The following DCC variants were observed in gnomAD, a reference collection of about 807,000 sequenced individuals.
The protein encoded by DCC is netrin receptor DCC.
DCC carries 58 observed loss-of-function variants against 172.5 expected under a neutral mutation model. That is an observed-to-expected ratio of 0.34 (90% CI 0.27 to 0.42). The LOEUF is 0.42. Among genes scored for constraint, DCC ranks in the 10% least tolerant of loss-of-function variants. The pLI, the probability that DCC is intolerant of heterozygous loss-of-function variation, is 1.00. For synonymous variants in DCC, 709 were observed against 644.5 expected (o/e 1.10, Z -1.52); for missense variants, 1,740 against 1,791.0 (o/e 0.97, Z 0.51).
At chr18:53,443,620 T>C (rs1196436293) in intron 22 of DCC, among the ~76,000 whole-genome samples, 2 of 152,208 alleles carry the variant, frequency 1.3e-5, no homozygotes, top group African/African-American at 4.8e-5. Flanking sequence ...TTCATAGATA[T>C]GTCTTCCAGC....
intron 1 of DCC, among the ~76,000 whole-genome samples, chr18:52,577,725 G>A (rs1455535319): frequency 1.3e-5 from 2 of 152,106 alleles, no homozygotes; most frequent in African/African-American, 4.8e-5. Context: ...GATTGCCCTT[G>A]GCCTTAGGCT....
intron 1 of DCC, among the ~76,000 whole-genome samples, chr18:52,554,146 G>A (rs549713632): frequency 2.6e-5 from 4 of 152,210 alleles, no homozygotes; most frequent in African/African-American, 7.2e-5. Context: ...ATTAGGCATT[G>A]TTGGATCACA....
intron 7 of DCC, among the ~76,000 whole-genome samples, chr18:53,072,442 T>A (rs183918971): frequency 2.0e-5 from 3 of 152,222 alleles, no homozygotes; most frequent in Admixed American, 2.0e-4. Flanking sequence ...CTTATCCTGG[T>A]TCTAGATGTT....
chr18:53,054,343 T>C (rs1485568100), intron 5 of DCC, among the ~76,000 whole-genome samples: 2 of 152,024 alleles, frequency 1.3e-5, no homozygotes, highest in African/African-American at 4.8e-5. Flanking sequence ...TATGAGAATA[T>C]ATATATAAAT....
intron 12 of DCC, among the ~76,000 whole-genome samples, chr18:53,267,526 G>A (rs2056695002): frequency 1.3e-5 from 2 of 151,924 alleles, no homozygotes; most frequent in African/African-American, 2.4e-5. Context: ...GTCACCCAGG[G>A]TAGAATGCAG....
At chr18:53,009,585 T>C (rs762421192) in intron 5 of DCC, among the ~76,000 whole-genome samples, 24 of 151,910 alleles carry the variant, frequency 1.6e-4, no homozygotes, top group Admixed American at 3.3e-4. Context: ...AGGCCATATG[T>C]TGGAGTTTTG....
intron 12 of DCC, chr18:53,237,248 T>C (rs766769304): frequency 1.9e-5 from 3 of 154,150 alleles, no homozygotes; most frequent in Non-Finnish European, 4.4e-5. Flanking sequence ...AAGAACATTA[T>C]GCTAAATATG....
chr18:52,442,055 T>G (rs1417620257), intron 1 of DCC, among the ~76,000 whole-genome samples: 1 of 152,210 alleles, frequency 6.6e-6, no homozygotes, highest in Admixed American at 6.5e-5. Flanking sequence ...TATTAGAGCT[T>G]GGTATTATAC....
At chr18:52,964,226 G>T (rs2040892291) in intron 5 of DCC, among the ~76,000 whole-genome samples, 1 of 152,104 alleles carries the variant, frequency 6.6e-6, no homozygotes, top group African/African-American at 2.4e-5. Flanking sequence ...TGTTATGATT[G>T]TAATTTAATT....
intron 1 of DCC, among the ~76,000 whole-genome samples, chr18:52,411,307 A>G (rs1986835248): frequency 6.6e-6 from 1 of 152,022 alleles, no homozygotes; most frequent in South Asian, 2.1e-4. Context: ...CTGTAATGCT[A>G]CCCCTTCTTC....
chr18:53,384,845 TA>T (rs111891122), intron 15 of DCC, among the ~76,000 whole-genome samples: 63,822 of 150,194 alleles, frequency 0.42, 15,332 homozygotes, highest in Non-Finnish European at 0.55. Flanking sequence ...TTTACCTCAA[TA>T]ATTTTTTTTT....
chr18:53,144,678 A>G (rs2043879693), intron 7 of DCC, among the ~76,000 whole-genome samples: 1 of 152,168 alleles, frequency 6.6e-6, no homozygotes. Flanking sequence ...TCAAATAGCC[A>G]ATATCTATTC....
At chr18:52,931,034 T>G (rs900149559) in intron 5 of DCC, among the ~76,000 whole-genome samples, 3 of 152,078 alleles carry the variant, frequency 2.0e-5, no homozygotes, top group African/African-American at 7.2e-5. Context: ...TAAGGGATTT[T>G]TTTTGGTAAT....
intron 1 of DCC, among the ~76,000 whole-genome samples, chr18:52,548,115 C>G (rs374521426): frequency 6.6e-6 from 1 of 152,132 alleles, no homozygotes; most frequent in Admixed American, 6.6e-5. Flanking sequence ...CTAATGTTAA[C>G]GTCTTATTTG....
At chr18:52,464,123 A>G (rs1988711703) in intron 1 of DCC, among the ~76,000 whole-genome samples, 1 of 152,194 alleles carries the variant, frequency 6.6e-6, no homozygotes, top group Non-Finnish European at 1.5e-5. Flanking sequence ...ATTGAGTGCA[A>G]GGATGTTCTA....
intron 10 of DCC, 87 bp downstream of exon 10, chr18:53,205,451 A>G: frequency 7.4e-7 from 1 of 1,359,542 alleles, no homozygotes; most frequent in Non-Finnish European, 1.1e-6. Flanking sequence ...ATAGGAAAAG[A>G]CTCGCAAACT....
chr18:53,193,349 T>G (rs1282074241), intron 9 of DCC, among the ~76,000 whole-genome samples: 1 of 152,214 alleles, frequency 6.6e-6, no homozygotes, highest in African/African-American at 2.4e-5. Flanking sequence ...GTTCACTCTT[T>G]CCCCTCAAAT....
chr18:53,030,597 G>A (rs1392330479), intron 5 of DCC, among the ~76,000 whole-genome samples: 1 of 152,084 alleles, frequency 6.6e-6, no homozygotes, highest in Non-Finnish European at 1.5e-5. Flanking sequence ...AATAACCAGA[G>A]GCTATGCTGT....
intron 5 of DCC, among the ~76,000 whole-genome samples, chr18:53,052,265 AT>A (rs2042344020): frequency 6.6e-6 from 1 of 151,910 alleles, no homozygotes; most frequent in Admixed American, 6.6e-5. Flanking sequence ...TATTGAATTT[AT>A]TTTCATTTTA....
Sources: gnomAD v4.1 joint callset for allele counts (sites outside exome capture counted in the v4.1 genomes callset) on GRCh38, gnomAD v4.1.1 for gene constraint, MANE v1.5 for transcripts, NCBI Gene and HGNC (gene_info 2026-07-23, HGNC 2026-07-21) for gene names.